The following RGS7 variants were observed in gnomAD, a reference collection of about 807,000 sequenced individuals.
RGS7 encodes the protein regulator of G-protein signaling 7.
Under a neutral mutation model 81.1 loss-of-function variants are expected in RGS7, and 27 were observed. That is an observed-to-expected ratio of 0.33 (90% CI 0.25 to 0.46). The LOEUF (loss-of-function observed/expected upper bound fraction) is 0.46, where lower values mean the gene tolerates loss of function less well. Among genes scored for constraint, RGS7 ranks in the 20% least tolerant of loss-of-function variants. RGS7 has a pLI of 1.00. For synonymous variants in RGS7, 208 were observed against 207.7 expected (o/e 1.00, Z -0.01); for missense variants, 396 against 607.4 (o/e 0.65, Z 3.66).
At chr1:241,283,137 A>C (rs1558271360) in intron 2 of RGS7, among the ~76,000 whole-genome samples, 1 of 152,224 alleles carries the variant, frequency 6.6e-6, no homozygotes, top group African/African-American at 2.4e-5. Context: ...GAGCCACATC[A>C]GACAGTGCTG....
chr1:240,836,151 TG>T (rs1342340929), intron 9 of RGS7, among the ~76,000 whole-genome samples: 5 of 31,116 alleles, frequency 1.6e-4, no homozygotes, highest in Admixed American at 1.4e-3. Context: ...GGGTTGGGGG[TG>T]GGGGGTTGAT....
chr1:241,171,102 A>G (rs960364679), intron 2 of RGS7, among the ~76,000 whole-genome samples: 3 of 152,200 alleles, frequency 2.0e-5, no homozygotes, highest in African/African-American at 4.8e-5. Flanking sequence ...GTAAGGTTCA[A>G]TTATGTTCAT....
At chr1:241,105,565 T>C (rs1464715700) in intron 2 of RGS7, among the ~76,000 whole-genome samples, 1 of 152,186 alleles carries the variant, frequency 6.6e-6, no homozygotes. Context: ...CTCCCACATA[T>C]TGATGAAAAC....
rs567024993 is a variant in RGS7 at position 241,039,033 on chromosome 1, G to A, written c.176-55904C>T. Among the ~76,000 whole-genome samples the A allele has an allele frequency of 3.9e-5, 6 of 152,096 alleles. No individual in the cohort carries two copies. In the South Asian group the frequency reaches 1.0e-3, roughly 26 times the overall value. Reference sequence around the variant, plus strand: ...AATGAAAGTCAGGCAGCTCGTCAAGGAGAGAATGTACCACAATGCCCACTT... The same window carrying A: ...AATGAAAGTCAGGCAGCTCGTCAAGAAGAGAATGTACCACAATGCCCACTT... On this transcript the variant is annotated intron_variant, in intron 3 of 18. Coordinates refer to ENST00000440928, the MANE Select transcript of RGS7 (RefSeq NM_001364886.1).
intron 2 of RGS7, among the ~76,000 whole-genome samples, chr1:241,335,092 T>G (rs2082170939): frequency 6.6e-6 from 1 of 152,164 alleles, no homozygotes; most frequent in Non-Finnish European, 1.5e-5. Flanking sequence ...TGCAGACTGA[T>G]CCCACTTGTA....
chr1:241,005,027 A>G, intron 3 of RGS7, among the ~76,000 whole-genome samples: 1 of 152,180 alleles, frequency 6.6e-6, no homozygotes, highest in Admixed American at 6.5e-5. Flanking sequence ...GACAGACTTA[A>G]GAACAGCCGC....
intron 6 of RGS7, among the ~76,000 whole-genome samples, chr1:240,888,773 G>A (rs1181741919): frequency 4.6e-5 from 7 of 152,016 alleles, no homozygotes. Flanking sequence ...CTACTTTCTT[G>A]GTGGAGGCGA....
At chr1:241,005,587 T>C (rs994610526) in intron 3 of RGS7, among the ~76,000 whole-genome samples, 1 of 152,144 alleles carries the variant, frequency 6.6e-6, no homozygotes, top group African/African-American at 2.4e-5. Context: ...CCAGGCTGGA[T>C]TGCAGTGGTG....
At chr1:240,931,479 A>G (rs1675431816) in intron 5 of RGS7, among the ~76,000 whole-genome samples, 1 of 152,136 alleles carries the variant, frequency 6.6e-6, no homozygotes, top group Non-Finnish European at 1.5e-5. Context: ...GGGAATGGAG[A>G]TCCCATTCTC....
rs77323748 is a variant in RGS7, at chr1:241,087,237, G to A, written c.175+11429C>T. Among the ~76,000 whole-genome samples, 617 of 152,278 alleles carry A rather than the reference G, an allele frequency of 4.1e-3. 7 individuals are homozygous for A. The highest frequency in any genetic ancestry group is 0.019 in the Admixed American group (286 of 15,292). On this transcript the variant is annotated intron_variant, in intron 3 of 18. Transcript: ENST00000440928. The stretch of plus-strand genomic sequence containing the variant: ...TACCCACTTCAAAGAAAACAAGGGA[G>A]TAATGCCTAGGTTCTTGTTCCTATG...
At chr1:240,777,789 T>G (rs2102946606) in intron 18 of RGS7, among the ~76,000 whole-genome samples, 1 of 152,306 alleles carries the variant, frequency 6.6e-6, no homozygotes, top group East Asian at 1.9e-4. Context: ...AGGCTCCTGT[T>G]CATAAGGGCT....
rs115351433 is a variant in RGS7 at position 241,185,174 on chromosome 1, A to G, written c.79-86412T>C. Among the ~76,000 whole-genome samples the G allele has an allele frequency of 9.1e-3, 1,383 of 152,314 alleles. 15 individuals are homozygous for G. Among genetic ancestry groups the G allele is most frequent in the African/African-American group, 0.032 (1,322 of 41,568 alleles). ...AGTCAGGTCTAAGGACATCACAAGA[A>G]ACTGTCCACATGGTCTACGTATAAA... On this transcript the variant is annotated intron_variant, in intron 2 of 18. Coordinates refer to ENST00000440928, the MANE Select transcript of RGS7 (RefSeq NM_001364886.1).
chr1:241,020,639 A>G (rs760285482), intron 3 of RGS7, among the ~76,000 whole-genome samples: 1 of 152,208 alleles, frequency 6.6e-6, no homozygotes, highest in Non-Finnish European at 1.5e-5. Flanking sequence ...TTTTGAGGGA[A>G]AGACCATTCA....
At chr1:241,317,131 A>G (rs949410538) in intron 2 of RGS7, among the ~76,000 whole-genome samples, 1 of 152,188 alleles carries the variant, frequency 6.6e-6, no homozygotes, top group Admixed American at 6.5e-5. Flanking sequence ...CAAGCTTCCA[A>G]TGTTTGATAT....
At chr1:241,065,002 T>G (rs1187891325) in intron 3 of RGS7, among the ~76,000 whole-genome samples, 1 of 152,092 alleles carries the variant, frequency 6.6e-6, no homozygotes, top group Non-Finnish European at 1.5e-5. Context: ...ATGAGACTCT[T>G]TAGCTGCCTC....
At chr1:241,268,418 G>A (rs886460085) in intron 2 of RGS7, among the ~76,000 whole-genome samples, 5 of 152,046 alleles carry the variant, frequency 3.3e-5, no homozygotes, top group Non-Finnish European at 5.9e-5. Flanking sequence ...CCCACTACAC[G>A]CCAGGAGCAC....
At chr1:241,020,086 G>A (rs1351718153) in intron 3 of RGS7, among the ~76,000 whole-genome samples, 1 of 152,188 alleles carries the variant, frequency 6.6e-6, no homozygotes, top group Non-Finnish European at 1.5e-5. Context: ...AAATCTCTAT[G>A]TGCATTAGTT....
intron 2 of RGS7, among the ~76,000 whole-genome samples, chr1:241,219,114 A>G (rs1483119350): frequency 6.6e-6 from 1 of 152,148 alleles, no homozygotes; most frequent in South Asian, 2.1e-4. Context: ...TACATGCCTC[A>G]CATCTCTTGT....
intron 2 of RGS7, among the ~76,000 whole-genome samples, chr1:241,235,685 TC>T (rs2075920444): frequency 3.5e-5 from 1 of 28,580 alleles, no homozygotes; most frequent in Non-Finnish European, 8.0e-5. Flanking sequence ...TCTTTCTTTC[TC>T]TCTCTCTTTC....
Sources: allele counts gnomAD v4.1 joint callset (sites outside exome capture counted in the v4.1 genomes callset), GRCh38; gene constraint gnomAD v4.1.1; transcripts MANE v1.5; gene names NCBI Gene and HGNC (gene_info 2026-07-23, HGNC 2026-07-21).